Variants in TCF7L1 observed in about 807,000 individuals in gnomAD.
TCF7L1 encodes the protein transcription factor 7-like 1.
In TCF7L1, 18 loss-of-function variants were observed where a neutral mutation model predicts 63.7. The ratio of observed to expected loss-of-function variants is 0.28; its 90% CI spans 0.20 to 0.42. TCF7L1 has a LOEUF of 0.42. TCF7L1 is among the 10% of genes least tolerant of loss of function. TCF7L1 has a pLI of 1.00. For synonymous variants in TCF7L1, 355 were observed against 340.9 expected (o/e 1.04, Z -0.46); for missense variants, 654 against 779.3 (o/e 0.84, Z 1.91).
chr2:85,242,026 G>GT (rs1247096437), intron 3 of TCF7L1, among the ~76,000 whole-genome samples: 3 of 141,180 alleles, frequency 2.1e-5, no homozygotes, highest in Non-Finnish European at 4.6e-5. Flanking sequence ...GGTGGTGCGG[G>GT]GGGGCAAGAA....
intron 3 of TCF7L1, among the ~76,000 whole-genome samples, chr2:85,136,132 C>A (rs1475987685): frequency 6.6e-6 from 1 of 152,132 alleles, no homozygotes; most frequent in Non-Finnish European, 1.5e-5. Context: ...GAGGCACTAG[C>A]ATCTGTGCAT....
chr2:85,302,481 C>T lies in TCF7L1; in HGVS notation c.526-3C>T. On this transcript the variant is annotated splice_polypyrimidine_tract_variant and splice_region_variant and intron_variant, in intron 4 of 11. Transcript: ENST00000282111. The stretch of plus-strand genomic sequence containing the variant: ...CATTCCTGGTCTTTTTTGTCTCTTT[C>T]AGTCTAATAAAGTTCCTGTCGTTCA... The T allele has an allele frequency of 6.2e-7, 1 of 1,614,094 alleles. No individual in the cohort carries two copies. The highest frequency in any genetic ancestry group is 8.5e-7 in the Non-Finnish European group (1 of 1,180,010).
At chr2:85,137,478 G>C (rs1205724649) in intron 3 of TCF7L1, among the ~76,000 whole-genome samples, 1 of 152,234 alleles carries the variant, frequency 6.6e-6, no homozygotes, top group Non-Finnish European at 1.5e-5. Flanking sequence ...ACCCTGTGAA[G>C]AGAGGAATAA....
In TCF7L1 at chr2:85,253,112, C is replaced by T. The variant is rs140640780; in HGVS notation, c.442-30383C>T. ...TGCAATAAGACTATGGAACAACAGACCGTGAGCCAGTGTCACCTTAAATGT... is the reference window on the plus strand; with the variant it reads ...TGCAATAAGACTATGGAACAACAGATCGTGAGCCAGTGTCACCTTAAATGT... On this transcript the variant is annotated intron_variant, in intron 3 of 11. Transcript: ENST00000282111. 1.8e-4 allele frequency among the ~76,000 whole-genome samples: 27 copies of T among 152,248 alleles called. No individual in the cohort carries two copies. The East Asian group carries it at 1.9e-3, about 11-fold the overall frequency.
In TCF7L1 at chr2:85,306,104, G is replaced by A. The variant is rs2271629; in HGVS notation, c.990-102G>A. On this transcript the variant is annotated intron_variant, in intron 8 of 11. Coordinates refer to ENST00000282111, the MANE Select transcript of TCF7L1 (RefSeq NM_031283.3). This position sits in a 1 kb window ranked among gnomAD's most constrained non-coding sequence, Gnocchi z 4.3. ...ACTTGAATTAGCATCCAGGCAGCCCGCGCCCCTCCCCAGAGACAATCAGCG... is the reference window on the plus strand; with the variant it reads ...ACTTGAATTAGCATCCAGGCAGCCCACGCCCCTCCCCAGAGACAATCAGCG... 69,465 of 1,448,228 alleles carry A rather than the reference G, an allele frequency of 0.048. 2,047 individuals are homozygous for A. Among genetic ancestry groups the A allele is most frequent in the South Asian group, 0.1 (8,253 of 79,118 alleles). The allele number at this position is 1,448,228 out of a possible 1,614,324, so 89.7% of individuals were successfully genotyped here.
At chr2:85,305,224 C>T (rs749802831) in intron 7 of TCF7L1, 36 bp from the exon 8 acceptor site, 1 of 1,614,118 alleles carries the variant, frequency 6.2e-7, no homozygotes, top group Non-Finnish European at 8.5e-7. Context: ...CCAGCCTGAA[C>T]CCCTCTGTTG....
intron 3 of TCF7L1, among the ~76,000 whole-genome samples, chr2:85,243,660 A>G (rs1680392127): frequency 6.6e-6 from 1 of 152,194 alleles, no homozygotes; most frequent in Non-Finnish European, 1.5e-5. Context: ...CTTCCTGGCC[A>G]GAGGCAGCCC....
At chr2:85,166,840 A>G (rs1678429447) in intron 3 of TCF7L1, 1 of 152,212 alleles carries the variant, frequency 6.6e-6, no homozygotes, top group East Asian at 1.9e-4. Flanking sequence ...CACAAAAGAT[A>G]ATAATGTTCA....
chr2:85,284,026 T>G (rs760123773), intron 4 of TCF7L1, among the ~76,000 whole-genome samples: 40 of 152,348 alleles, frequency 2.6e-4, no homozygotes, highest in Non-Finnish European at 5.3e-4. Context: ...TTGTTTGTTT[T>G]TTGAGACGGA....
intron 3 of TCF7L1, among the ~76,000 whole-genome samples, chr2:85,225,098 A>G (rs916111881): frequency 6.6e-6 from 1 of 152,068 alleles, no homozygotes; most frequent in Non-Finnish European, 1.5e-5. Context: ...GTAGATGTGC[A>G]GTGTTATTTC....
intron 3 of TCF7L1, among the ~76,000 whole-genome samples, chr2:85,168,695 C>T (rs1678476807): frequency 6.6e-6 from 1 of 152,060 alleles, no homozygotes; most frequent in African/African-American, 2.4e-5. Context: ...AATCTTGGCT[C>T]ACTGCAACCT....
chr2:85,242,008 A>C (rs1318944048), intron 3 of TCF7L1, among the ~76,000 whole-genome samples: 1 of 69,546 alleles, frequency 1.4e-5, no homozygotes, highest in Admixed American at 1.6e-4. Context: ...TTTTGGGCGG[A>C]GGGGGGCGGT....
chr2:85,228,102 G>A (rs940730303), intron 3 of TCF7L1, among the ~76,000 whole-genome samples: 2 of 151,904 alleles, frequency 1.3e-5, no homozygotes, highest in African/African-American at 4.8e-5. Flanking sequence ...AGTCTGGGCA[G>A]TGTCTTAGGG....
intron 3 of TCF7L1, among the ~76,000 whole-genome samples, chr2:85,240,933 T>G (rs141834146): frequency 0.011 from 1,641 of 152,332 alleles, 27 homozygotes; most frequent in African/African-American, 0.038. Flanking sequence ...ATGGTAATAG[T>G]AAAAGTATGT....
intron 3 of TCF7L1, among the ~76,000 whole-genome samples, chr2:85,232,318 C>T (rs1047525276): frequency 6.6e-6 from 1 of 152,094 alleles, no homozygotes; most frequent in Admixed American, 6.5e-5. Flanking sequence ...CTGTATACAT[C>T]CTCCATTATT....
At chr2:85,184,903 A>C (rs1317824659) in intron 3 of TCF7L1, among the ~76,000 whole-genome samples, 3 of 151,982 alleles carry the variant, frequency 2.0e-5, no homozygotes, top group Non-Finnish European at 1.5e-5. Flanking sequence ...GCACCCTTAC[A>C]AGGCAAAGAC....
intron 3 of TCF7L1, among the ~76,000 whole-genome samples, chr2:85,261,321 AG>A (rs1558649484): frequency 6.6e-6 from 1 of 152,244 alleles, no homozygotes; most frequent in African/African-American, 2.4e-5. Context: ...TGTATTACAC[AG>A]GCCAGACCTC....
chr2:85,164,886 T>C (rs72932662), intron 3 of TCF7L1, among the ~76,000 whole-genome samples: 22,231 of 152,242 alleles, frequency 0.15, 2,202 homozygotes, highest in African/African-American at 0.28. Context: ...TAGCAATTCT[T>C]AATACTTCAG....
intron 3 of TCF7L1, among the ~76,000 whole-genome samples, chr2:85,268,055 G>A (rs569624080): frequency 6.6e-5 from 10 of 152,174 alleles, no homozygotes; most frequent in African/African-American, 2.2e-4. Context: ...TTTTAATAAT[G>A]TATTAACTGT....
Sources: allele counts gnomAD v4.1 joint callset (sites outside exome capture counted in the v4.1 genomes callset), GRCh38; gene constraint gnomAD v4.1.1; non-coding constraint Gnocchi (gnomAD v3.1); transcripts MANE v1.5; gene names NCBI Gene and HGNC (gene_info 2026-07-23, HGNC 2026-07-21).